The following OR2L13 variants were observed in gnomAD, a reference collection of about 807,000 sequenced individuals.
OR2L13 encodes olfactory receptor 2L13.
In OR2L13, 14 loss-of-function variants were observed where a neutral mutation model predicts 15.3. The observed-to-expected ratio is 0.91, with a 90% CI of 0.60 to 1.43. OR2L13 has a LOEUF of 1.43. OR2L13 is among the 40% of genes most tolerant of loss of function. OR2L13 has a pLI of 0.00. For missense variants in OR2L13, 367 were observed against 387.9 expected, an observed-to-expected ratio of 0.95 and a Z score of 0.45; for synonymous variants, 152 against 142.9, an observed-to-expected ratio of 1.06 and a Z score of -0.45.
the OR2L13 span, among the ~76,000 whole-genome samples, chr1:248,077,170 C>A: frequency 6.6e-6 from 1 of 152,148 alleles, no homozygotes; most frequent in Non-Finnish European, 1.5e-5. Context: ...ATTGAACCAG[C>A]CTTGCATCCC....
the OR2L13 span, among the ~76,000 whole-genome samples, chr1:247,961,604 G>T: frequency 6.6e-6 from 1 of 152,164 alleles, no homozygotes; most frequent in South Asian, 2.1e-4. Flanking sequence ...TCCTAGTAGA[G>T]TCAGGGATCA....
the OR2L13 span, among the ~76,000 whole-genome samples, chr1:247,999,580 T>G: frequency 1.3e-5 from 2 of 152,218 alleles, no homozygotes; most frequent in Admixed American, 1.3e-4. Flanking sequence ...TACAACATTA[T>G]GTACTGTGTC....
At chr1:247,993,728 G>T in the OR2L13 span, among the ~76,000 whole-genome samples, 6 of 144,168 alleles carry the variant, frequency 4.2e-5, no homozygotes, top group Non-Finnish European at 9.1e-5. Flanking sequence ...GTGCTATTTG[G>T]ACAGACACTG....
At chr1:248,010,568 T>C in the OR2L13 span, among the ~76,000 whole-genome samples, 1 of 152,008 alleles carries the variant, frequency 6.6e-6, no homozygotes, top group East Asian at 1.9e-4. Context: ...CTAAGTCTCT[T>C]TGTAGGTCTC....
the OR2L13 span, among the ~76,000 whole-genome samples, chr1:247,989,787 A>G: frequency 1.3e-5 from 2 of 152,130 alleles, no homozygotes; most frequent in African/African-American, 4.8e-5. Context: ...ATCAACTGTC[A>G]TCTGAGATTG....
At chr1:248,021,088 A>G in the OR2L13 span, among the ~76,000 whole-genome samples, 16 of 152,226 alleles carry the variant, frequency 1.1e-4, no homozygotes, top group African/African-American at 3.8e-4. Flanking sequence ...TAATATATGC[A>G]TTTAACTTTT....
the OR2L13 span, among the ~76,000 whole-genome samples, chr1:248,013,091 A>T: frequency 6.6e-6 from 1 of 151,926 alleles, no homozygotes; most frequent in Non-Finnish European, 1.5e-5. Flanking sequence ...ATATAAATAT[A>T]TATTTAAAAT....
At chr1:247,991,029 T>C in the OR2L13 span, 1 of 1,542,918 alleles carries the variant, frequency 6.5e-7, no homozygotes, top group Non-Finnish European at 9.0e-7. Context: ...ATGCACCCTT[T>C]GCTTATACCT....
chr1:247,995,325 C>T, the OR2L13 span, among the ~76,000 whole-genome samples: 7 of 152,324 alleles, frequency 4.6e-5, no homozygotes, highest in East Asian at 1.3e-3. Context: ...GTAACAATCT[C>T]TGTTCTCTAT....
the OR2L13 span, chr1:248,029,005 A>AC: frequency 6.6e-6 from 1 of 152,202 alleles, no homozygotes; most frequent in Non-Finnish European, 1.5e-5. Flanking sequence ...CAAATGCAGG[A>AC]ATATTGAAAC....
the OR2L13 span, among the ~76,000 whole-genome samples, chr1:248,082,492 G>T: frequency 6.6e-6 from 1 of 151,140 alleles, no homozygotes. Context: ...AAAACTTAAA[G>T]TATAATAAAA....
chr1:248,017,724 C>G, the OR2L13 span, among the ~76,000 whole-genome samples: 2 of 152,216 alleles, frequency 1.3e-5, no homozygotes, highest in South Asian at 4.1e-4. Context: ...CCATCGCAGG[C>G]AGAGCTGGGT....
the OR2L13 span, among the ~76,000 whole-genome samples, chr1:248,014,747 G>T: frequency 2.6e-5 from 4 of 152,142 alleles, no homozygotes; most frequent in African/African-American, 9.7e-5. Context: ...GTAATACACG[G>T]TCACTATGTC....
chr1:248,023,858 A>G, the OR2L13 span: 2 of 152,196 alleles, frequency 1.3e-5, no homozygotes, highest in Non-Finnish European at 2.9e-5. Flanking sequence ...AAAGCCCTGC[A>G]TTATACAACT....
At chr1:248,014,326 T>C in the OR2L13 span, among the ~76,000 whole-genome samples, 1,570 of 152,198 alleles carry the variant, frequency 0.01, 41 homozygotes, top group African/African-American at 0.036. Flanking sequence ...AGCAATGATA[T>C]AGTTTTTAAA....
the OR2L13 span, chr1:247,949,218 C>T: frequency 1.1e-5 from 18 of 1,614,080 alleles, 1 homozygote; most frequent in South Asian, 3.3e-5. Flanking sequence ...GGCCTATGAT[C>T]GTTACATTGC....
At chr1:248,057,588 T>C in the OR2L13 span, among the ~76,000 whole-genome samples, 1 of 152,148 alleles carries the variant, frequency 6.6e-6, no homozygotes, top group Non-Finnish European at 1.5e-5. Context: ...TTGGCTGTTG[T>C]TGACATCTTA....
chr1:247,966,763 C>A, the OR2L13 span, among the ~76,000 whole-genome samples: 1 of 152,074 alleles, frequency 6.6e-6, no homozygotes, highest in Admixed American at 6.6e-5. Flanking sequence ...AATTTCTGTT[C>A]CTGTTTTCCT....
At chr1:247,947,981 C>T in the OR2L13 span, among the ~76,000 whole-genome samples, 6 of 151,950 alleles carry the variant, frequency 3.9e-5, no homozygotes, top group Non-Finnish European at 8.8e-5. Context: ...TTTGCAAGGC[C>T]GAGACAGGAG....
Sources: gnomAD v4.1 joint callset for allele counts (sites outside exome capture counted in the v4.1 genomes callset) on GRCh38, gnomAD v4.1.1 for gene constraint, MANE v1.5 for transcripts, NCBI Gene and HGNC (gene_info 2026-07-23, HGNC 2026-07-21) for gene names.